Variants in KAT6B observed in about 807,000 individuals in gnomAD.
KAT6B encodes the protein histone acetyltransferase KAT6B.
A neutral mutation model predicts 187.5 loss-of-function variants in KAT6B; 10 were observed. The observed-to-expected ratio is 0.05, with a 90% confidence interval of 0.03 to 0.09. The LOEUF is 0.09. Ranked by LOEUF, KAT6B falls within the 10% of genes least tolerant of loss-of-function variation. The pLI is 1.00. For missense variants in KAT6B, 1,952 were observed against 2,558.9 expected (o/e 0.76, Z 5.12); for synonymous variants, 861 against 926.8 (o/e 0.93, Z 1.29).
intron 3 of KAT6B, among the ~76,000 whole-genome samples, chr10:74,942,765 C>CAA (rs56276008): frequency 0.052 from 491 of 9,364 alleles, 187 homozygotes; most frequent in African/African-American, 0.093. Flanking sequence ...AACTCCATCG[C>CAA]AAAAAAAAAA....
At chr10:74,935,015 G>T (rs1438134038) in intron 3 of KAT6B, among the ~76,000 whole-genome samples, 1 of 152,238 alleles carries the variant, frequency 6.6e-6, no homozygotes, top group Non-Finnish European at 1.5e-5. Flanking sequence ...GAGATGAACT[G>T]CCTGAGTTGG....
At chr10:74,892,599 A>G (rs538527496) in intron 3 of KAT6B, among the ~76,000 whole-genome samples, 7 of 152,206 alleles carry the variant, frequency 4.6e-5, no homozygotes, top group Non-Finnish European at 1.5e-5. Context: ...GTTGCTTGCA[A>G]GGAACTCTTA....
rs1157500089 is a variant in KAT6B, at chr10:74,830,768, ATTTTTTTTTTTTTTTTTTT to A, written c.-329+4001_-329+4019del. ...TATATATATATATATATATATATAT[ATTTTTTTTTTTTTTTTTTT>A]TTTTTTTTTTTTTTTTTGAGACGGA... is the stretch of plus-strand genomic sequence containing the variant. On this transcript the variant is annotated intron_variant, in intron 1 of 17. Coordinates refer to ENST00000287239, the MANE Select transcript of KAT6B (RefSeq NM_012330.4). Among the ~76,000 whole-genome samples, 6 of 17,108 alleles carry A rather than the reference ATTTTTTTTTTTTTTTTTTT, an allele frequency of 3.5e-4. No homozygotes were observed. In the East Asian group the frequency reaches 6.4e-3, roughly 18 times the overall value. The allele number at this position is 17,108 out of a possible 152,430, so 11.2% of individuals were successfully genotyped here.
At chr10:74,961,257 G>A (rs551805070) in intron 4 of KAT6B, among the ~76,000 whole-genome samples, 2 of 152,238 alleles carry the variant, frequency 1.3e-5, no homozygotes, top group Non-Finnish European at 2.9e-5. Flanking sequence ...ATGCTGGTGA[G>A]GTAGTGCCTC....
chr10:74,869,732 A>G (rs962746076), intron 3 of KAT6B, among the ~76,000 whole-genome samples: 2 of 152,158 alleles, frequency 1.3e-5, no homozygotes, highest in African/African-American at 4.8e-5. Context: ...TTGTCTGGCT[A>G]TTTTGTAACT....
chr10:74,945,562 G>C lies in KAT6B; in HGVS notation c.622-14408G>C, dbSNP rs536655452. On this transcript the variant is annotated intron_variant, in intron 3 of 17. Coordinates refer to ENST00000287239, the MANE Select transcript of KAT6B (RefSeq NM_012330.4). ...ACTGCAACCTCCGCCTCCTGGGTTCGGGAGATTCTTCTGCCTCACCTGAGT... is the reference window on the plus strand; with the variant it reads ...ACTGCAACCTCCGCCTCCTGGGTTCCGGAGATTCTTCTGCCTCACCTGAGT... Among the ~76,000 whole-genome samples, 52 of 152,134 alleles carry C rather than the reference G, an allele frequency of 3.4e-4. 1 individual carries two copies. The South Asian group carries it at 0.011, about 31-fold the overall frequency.
chr10:75,008,590 A>C (rs1844382250), intron 13 of KAT6B, among the ~76,000 whole-genome samples: 1 of 152,214 alleles, frequency 6.6e-6, no homozygotes, highest in South Asian at 2.1e-4. Context: ...GACATTAATA[A>C]GATTTTTCTC....
chr10:74,935,789 A>T (rs1336128166), intron 3 of KAT6B, among the ~76,000 whole-genome samples: 1 of 152,214 alleles, frequency 6.6e-6, no homozygotes, highest in East Asian at 1.9e-4. Flanking sequence ...ATGTATGGAC[A>T]CTTGCATGCT....
At chr10:75,026,075 A>G (rs1461134268) in intron 17 of KAT6B, 1 of 148,256 alleles carries the variant, frequency 6.7e-6, no homozygotes, top group Non-Finnish European at 1.5e-5. Flanking sequence ...TGGGAGGATC[A>G]CCTGAGCTCA....
chr10:74,894,139 A>G (rs2132672754), intron 3 of KAT6B, among the ~76,000 whole-genome samples: 1 of 152,032 alleles, frequency 6.6e-6, no homozygotes, highest in East Asian at 1.9e-4. Flanking sequence ...CTGGAGTGCA[A>G]TGGCACGATC....
chr10:74,893,466 T>TG (rs1845775292), intron 3 of KAT6B, among the ~76,000 whole-genome samples: 1 of 151,982 alleles, frequency 6.6e-6, no homozygotes. Flanking sequence ...GGTTTTTTTT[T>TG]TTGTTTTTTG....
At chr10:74,928,174 A>G (rs1436866948) in intron 3 of KAT6B, among the ~76,000 whole-genome samples, 1 of 152,238 alleles carries the variant, frequency 6.6e-6, no homozygotes, top group Non-Finnish European at 1.5e-5. Flanking sequence ...AAATTAGGAT[A>G]TTTGAGTAAA....
intron 3 of KAT6B, among the ~76,000 whole-genome samples, chr10:74,957,576 A>G (rs1486397434): frequency 1.3e-5 from 2 of 152,206 alleles, no homozygotes; most frequent in Non-Finnish European, 2.9e-5. Flanking sequence ...GGAAAGAAAA[A>G]TGGGTTTGGA....
chr10:74,944,071 G>A (rs1849909597), intron 3 of KAT6B, among the ~76,000 whole-genome samples: 3 of 152,198 alleles, frequency 2.0e-5, no homozygotes, highest in Admixed American at 2.0e-4. Flanking sequence ...TAAGGCTTTT[G>A]AGAAGGAGGG....
chr10:74,880,283 CTT>C (rs1438123832), intron 3 of KAT6B, among the ~76,000 whole-genome samples: 3 of 152,182 alleles, frequency 2.0e-5, no homozygotes, highest in Admixed American at 6.5e-5. Context: ...GTCTCTATAA[CTT>C]TGCGTATTTT....
chr10:74,913,667 G>A (rs945693685), intron 3 of KAT6B, among the ~76,000 whole-genome samples: 2 of 152,258 alleles, frequency 1.3e-5, no homozygotes, highest in Non-Finnish European at 2.9e-5. Context: ...AACTTATAGT[G>A]TAGAAATTTG....
At chr10:74,962,495 T>A (rs1195826576) in intron 4 of KAT6B, among the ~76,000 whole-genome samples, 1 of 152,228 alleles carries the variant, frequency 6.6e-6, no homozygotes, top group Non-Finnish European at 1.5e-5. Flanking sequence ...GTCTATTGGT[T>A]CTGGGATTGA....
chr10:75,004,830 T>C (rs1208367553), intron 13 of KAT6B, among the ~76,000 whole-genome samples: 1 of 151,928 alleles, frequency 6.6e-6, no homozygotes, highest in South Asian at 2.1e-4. Flanking sequence ...GCCTCCCAAG[T>C]AGCTGGGATT....
chr10:74,952,325 A>G (rs1025506754), intron 3 of KAT6B, among the ~76,000 whole-genome samples: 1 of 152,010 alleles, frequency 6.6e-6, no homozygotes, highest in African/African-American at 2.4e-5. Context: ...CCCGCTCTCC[A>G]TCCTGGGTGA....
Sources: allele counts gnomAD v4.1 joint callset (sites outside exome capture counted in the v4.1 genomes callset), GRCh38; gene constraint gnomAD v4.1.1; transcripts MANE v1.5; gene names NCBI Gene and HGNC (gene_info 2026-07-23, HGNC 2026-07-21).